VGLL3: variants seen among roughly 807,000 people sequenced by gnomAD.
VGLL3 encodes transcription cofactor vestigial-like protein 3.
VGLL3 carries 18 observed loss-of-function variants against 29.2 expected under a neutral mutation model. That is an observed-to-expected ratio of 0.62 (90% CI 0.43 to 0.91). The LOEUF (loss-of-function observed/expected upper bound fraction) is 0.91, where lower values mean the gene tolerates loss of function less well. VGLL3 is among the 40% of genes least tolerant of loss of function. VGLL3 has a pLI of 0.00. For synonymous variants in VGLL3, 180 were observed against 151.8 expected (o/e 1.19, Z -1.36); for missense variants, 440 against 413.2 (o/e 1.06, Z -0.56).
chr3:86,970,410 G>A (rs372454309), intron 2 of VGLL3, among the ~76,000 whole-genome samples: 1 of 151,852 alleles, frequency 6.6e-6, no homozygotes, highest in African/African-American at 2.4e-5. Context: ...CAGACTGAGT[G>A]GGGGCTAGCC....
chr3:86,958,525 TA>T (rs1460467298), intron 3 of VGLL3, among the ~76,000 whole-genome samples: 1 of 152,260 alleles, frequency 6.6e-6, no homozygotes, highest in Admixed American at 6.5e-5. Context: ...CAAATCCCCA[TA>T]CTTTAGGCAT....
rs1705261349 is a variant in VGLL3 at position 86,978,682 on chromosome 3, A to G, written c.247T>C (p.Tyr83His). 6.2e-7 allele frequency: 1 copy of G among 1,613,522 alleles called. No homozygotes were observed. Among genetic ancestry groups the G allele is most frequent in the Non-Finnish European group, 8.5e-7 (1 of 1,179,920 alleles). Residue 83 changes from tyrosine (Y) to histidine (H), a missense_variant, in exon 2 of 4, where the codon TAC (tyrosine) becomes CAC (histidine). Physicochemically the swap from Tyr to His is moderately conservative, Grantham distance 83. Transcript: ENST00000398399. ...AAAAGGACACAGCGAGAGTTAAGGTACTCCATCTCGGCAGGCTGGTCTTTC... is the reference window on the plus strand; with the variant it reads ...AAAAGGACACAGCGAGAGTTAAGGTGCTCCATCTCGGCAGGCTGGTCTTTC... ...EEKDQPAEME[Y>H]LNSRCVLFTY...
intron 3 of VGLL3, among the ~76,000 whole-genome samples, chr3:86,954,508 G>A (rs1171247508): frequency 6.6e-6 from 1 of 152,158 alleles, no homozygotes; most frequent in African/African-American, 2.4e-5. Flanking sequence ...CATAGCTGGA[G>A]GGTAAATTGG....
chr3:86,949,987 T>C (rs921473387), intron 3 of VGLL3, among the ~76,000 whole-genome samples: 2 of 152,162 alleles, frequency 1.3e-5, no homozygotes, highest in Admixed American at 1.3e-4. Flanking sequence ...TGTTAACCCA[T>C]GAATCTTATG....
chr3:86,968,793 T>C lies in VGLL3; in HGVS notation c.734A>G (p.His245Arg), dbSNP rs1336359856. 1 of 1,613,842 alleles carries C rather than the reference T, an allele frequency of 6.2e-7. No individual in the cohort carries two copies. Among genetic ancestry groups the C allele is most frequent in the African/African-American group, 1.3e-5 (1 of 74,872 alleles). The change falls in exon 3 of 4, where the codon CAC becomes CGC. Residue 245 changes from histidine to arginine, a missense_variant. By Grantham distance (29) the His-to-Arg change is conservative. Coordinates refer to ENST00000398399, the MANE Select transcript of VGLL3 (RefSeq NM_016206.4). ...AGAGCCAGCAGGAGGGTGGTGATGG[T>C]GATGATGGTGGCGGTGGCGGTGGTG... is the stretch of plus-strand genomic sequence containing the variant. ...HMHHRHRHHH[H>R]HHHPPAGSAL...
intron 3 of VGLL3, among the ~76,000 whole-genome samples, chr3:86,967,719 A>G (rs1277579336): frequency 1.3e-5 from 2 of 152,322 alleles, no homozygotes; most frequent in East Asian, 1.9e-4. Flanking sequence ...TTTGGACTCC[A>G]GGGATACAAT....
At chr3:86,980,460 C>T (rs1409079477) in intron 1 of VGLL3, among the ~76,000 whole-genome samples, 1 of 152,014 alleles carries the variant, frequency 6.6e-6, no homozygotes, top group Admixed American at 6.6e-5. Context: ...AAATTCGTAT[C>T]AGTATGGTTA....
At position 86,958,250 on chromosome 3, in the gene VGLL3, C is replaced by T. The variant is rs182438647; in HGVS notation, c.937+10340G>A. On this transcript the variant is annotated intron_variant, in intron 3 of 3. Transcript: ENST00000398399. ...GCTGCTTCTATTTATGGGAGGTAGA[C>T]TCATAGGAGTAAGAATGCTCAGCCA... Among the ~76,000 whole-genome samples the T allele has an allele frequency of 1.7e-3, 262 of 152,060 alleles. 2 individuals are homozygous for T. The highest frequency in any genetic ancestry group is 3.4e-3 in the Middle Eastern group (1 of 294).
At chr3:86,977,303 T>C (rs1397865337) in intron 2 of VGLL3, among the ~76,000 whole-genome samples, 1 of 151,790 alleles carries the variant, frequency 6.6e-6, no homozygotes, top group Non-Finnish European at 1.5e-5. Context: ...AAAGGTCAAG[T>C]AGGTAAGAAA....
At chr3:86,984,619 G>C (rs1705397305) in intron 1 of VGLL3, among the ~76,000 whole-genome samples, 2 of 152,068 alleles carry the variant, frequency 1.3e-5, no homozygotes, top group African/African-American at 4.8e-5. Flanking sequence ...TAGTTAGTTT[G>C]TATAATTCTA....
chr3:86,989,645 C>T (rs78787467), intron 1 of VGLL3, among the ~76,000 whole-genome samples: 2,721 of 152,232 alleles, frequency 0.018, 31 homozygotes, highest in Non-Finnish European at 0.029. Context: ...ATGGTAATTT[C>T]CTAACCAAAT....
intron 2 of VGLL3, among the ~76,000 whole-genome samples, chr3:86,970,062 G>A (rs550623910): frequency 1.1e-4 from 17 of 152,304 alleles, no homozygotes; most frequent in Admixed American, 4.6e-4. Context: ...GAAATGATGA[G>A]TGGAGGAAAT....
Position 86,946,364 on chromosome 3 carries a change from G to A in VGLL3, c.*660C>T, listed in dbSNP as rs1019647149. On this transcript the variant is annotated 3_prime_UTR_variant, in exon 4 of 4. Transcript: ENST00000398399. ...AATTAAATCTTTACTGAGATTCAAT[G>A]TAAAAACAATACTGCATTGGTTTGA... 1 of 152,098 alleles carries A rather than the reference G, an allele frequency of 6.6e-6. No individual in the cohort carries two copies. Among genetic ancestry groups the A allele is most frequent in the Non-Finnish European group, 1.5e-5 (1 of 68,014 alleles). 9.4% of individuals were successfully genotyped at this position (152,098 alleles called of 1,614,324 possible).
rs1294843379 is a variant in VGLL3, at chr3:86,944,683, CAA to C, written c.*2339_*2340del. 1 of 152,178 alleles carries C rather than the reference CAA, an allele frequency of 6.6e-6. No individual in the cohort carries two copies. The highest frequency in any genetic ancestry group is 1.5e-5 in the Non-Finnish European group (1 of 68,042). 9.4% of individuals were successfully genotyped at this position (152,178 alleles called of 1,614,324 possible). ...TGACAGTTACCGGGAGAACACAGAGCAAAGTCTAAATTCAGGGTGAAGACATC... is the reference window on the plus strand; with the variant it reads ...TGACAGTTACCGGGAGAACACAGAGCAGTCTAAATTCAGGGTGAAGACATC... On this transcript the variant is annotated 3_prime_UTR_variant, in exon 4 of 4. Coordinates refer to ENST00000398399, the MANE Select transcript of VGLL3 (RefSeq NM_016206.4).
chr3:86,984,476 G>GC (rs1204171433), intron 1 of VGLL3, among the ~76,000 whole-genome samples: 4 of 152,136 alleles, frequency 2.6e-5, no homozygotes, highest in African/African-American at 9.7e-5. Flanking sequence ...AAAAAAATGT[G>GC]CCACAGGCTT....
rs965447289 is a variant in VGLL3 at position 86,941,864 on chromosome 3, T to A, written c.*5160A>T. ...ACCAATCTCCATGACCAAGTTACCA[T>A]GAAAAGTAACATTTTGAAGTTATTG... On this transcript the variant is annotated 3_prime_UTR_variant, in exon 4 of 4. Transcript: ENST00000398399. 1 of 152,096 alleles carries A rather than the reference T, an allele frequency of 6.6e-6. No individual in the cohort carries two copies. Among genetic ancestry groups the A allele is most frequent in the Non-Finnish European group, 1.5e-5 (1 of 68,002 alleles). 9.4% of individuals were successfully genotyped at this position (152,096 alleles called of 1,614,324 possible). A position where few individuals can be genotyped will look rare whatever the true frequency, so the allele number is the denominator to read the frequency against.
At chr3:86,983,933 G>A (rs891095560) in intron 1 of VGLL3, among the ~76,000 whole-genome samples, 9 of 152,092 alleles carry the variant, frequency 5.9e-5, no homozygotes, top group Non-Finnish European at 1.3e-4. Context: ...GGCAGAGATG[G>A]GATTAGAACC....
At chr3:86,973,850 C>A (rs1354490607) in intron 2 of VGLL3, among the ~76,000 whole-genome samples, 2 of 152,166 alleles carry the variant, frequency 1.3e-5, no homozygotes, top group African/African-American at 2.4e-5. Context: ...TTTGCAACTG[C>A]AATATCAGTA....
At chr3:86,957,044 G>A (rs1425083278) in intron 3 of VGLL3, among the ~76,000 whole-genome samples, 1 of 151,994 alleles carries the variant, frequency 6.6e-6, no homozygotes, top group Non-Finnish European at 1.5e-5. Flanking sequence ...GAGTGCCAGG[G>A]ATGAATAAAT....
Sources: allele counts gnomAD v4.1 joint callset (sites outside exome capture counted in the v4.1 genomes callset), GRCh38; gene constraint gnomAD v4.1.1; transcripts MANE v1.5; gene names NCBI Gene and HGNC (gene_info 2026-07-23, HGNC 2026-07-21).